The following SLC4A4 variants were observed in gnomAD, a reference collection of about 807,000 sequenced individuals.
The protein encoded by SLC4A4 is solute carrier family 4 member 4, also known as electrogenic sodium bicarbonate cotransporter 1.
Under a neutral mutation model 111.5 loss-of-function variants are expected in SLC4A4, and 27 were observed. That is an observed-to-expected ratio of 0.24 (90% CI 0.18 to 0.33). The LOEUF (loss-of-function observed/expected upper bound fraction) is 0.33, where lower values mean the gene tolerates loss of function less well. SLC4A4 is among the 10% of genes least tolerant of loss of function. The probability of loss-of-function intolerance (pLI) is 1.00; values close to 1 mark genes in which losing one functional copy is unlikely to be tolerated. For synonymous variants in SLC4A4, 443 were observed against 463.4 expected (o/e 0.96, Z 0.57); for missense variants, 909 against 1,315.5 (o/e 0.69, Z 4.78).
chr4:71,094,786 A>G (rs953880863), intron 2 of SLC4A4, among the ~76,000 whole-genome samples: 1 of 146,544 alleles, frequency 6.8e-6, no homozygotes, highest in Non-Finnish European at 1.5e-5. Flanking sequence ...ACGAGTCCTC[A>G]TTTTTCCAGG....
At chr4:71,122,025 A>G (rs1024620738) in intron 2 of SLC4A4, among the ~76,000 whole-genome samples, 2 of 152,098 alleles carry the variant, frequency 1.3e-5, no homozygotes, top group Non-Finnish European at 2.9e-5. Flanking sequence ...TTCACTCCTG[A>G]AGCCAGCGAG....
chr4:71,094,517 G>A (rs1436255106), intron 2 of SLC4A4, among the ~76,000 whole-genome samples: 1 of 152,216 alleles, frequency 6.6e-6, no homozygotes, highest in Non-Finnish European at 1.5e-5. Flanking sequence ...TAAGGCTGCA[G>A]TACTTTTATA....
At chr4:71,420,012 A>C (rs113600548) in intron 7 of SLC4A4, among the ~76,000 whole-genome samples, 30,024 of 152,238 alleles carry the variant, frequency 0.2, 3,301 homozygotes, top group South Asian at 0.42. Flanking sequence ...GAGTTGAGAG[A>C]AGAAGGCTTC....
At chr4:71,564,018 C>A in intron 24 of SLC4A4, 129 bp downstream of exon 24, 1 of 684,042 alleles carries the variant, frequency 1.5e-6, no homozygotes, top group Non-Finnish European at 2.6e-6. Context: ...AGAAGATTTA[C>A]ACTTAATTAT....
chr4:71,500,308 TC>T (rs1351032970), intron 16 of SLC4A4, among the ~76,000 whole-genome samples: 2 of 152,192 alleles, frequency 1.3e-5, no homozygotes, highest in African/African-American at 4.8e-5. Flanking sequence ...ATCCTGTTTG[TC>T]TATGTTTGCT....
chr4:71,566,022 C>A (rs1460196864), intron 24 of SLC4A4, among the ~76,000 whole-genome samples: 4 of 151,842 alleles, frequency 2.6e-5, no homozygotes, highest in Non-Finnish European at 5.9e-5. Context: ...CAGCCCCACA[C>A]TGTTAACACT....
intron 3 of SLC4A4, among the ~76,000 whole-genome samples, chr4:71,311,839 C>A (rs1242420847): frequency 3.4e-5 from 5 of 147,518 alleles, no homozygotes; most frequent in African/African-American, 1.3e-4. Flanking sequence ...AAGATCAGAG[C>A]AGAACTGCCC....
At chr4:71,497,825 T>C (rs1324183665) in intron 16 of SLC4A4, 133 bp downstream of exon 16, 3 of 759,376 alleles carry the variant, frequency 4.0e-6, no homozygotes, top group Non-Finnish European at 6.6e-6. Context: ...ACATTACACT[T>C]CAATCTTTGT....
At chr4:71,143,495 C>T (rs1023574258) in intron 2 of SLC4A4, among the ~76,000 whole-genome samples, 1 of 152,150 alleles carries the variant, frequency 6.6e-6, no homozygotes, top group Non-Finnish European at 1.5e-5. Context: ...AATGGTATTT[C>T]TAATTCTAGA....
At chr4:71,488,371 CA>C (rs1406885968) in intron 15 of SLC4A4, among the ~76,000 whole-genome samples, 3 of 151,260 alleles carry the variant, frequency 2.0e-5, no homozygotes, top group Non-Finnish European at 4.4e-5. Context: ...TGTATTAAAA[CA>C]AAATGTTACA....
intron 2 of SLC4A4, among the ~76,000 whole-genome samples, chr4:71,156,864 C>T (rs1402251333): frequency 6.6e-6 from 1 of 152,100 alleles, no homozygotes; most frequent in East Asian, 1.9e-4. Context: ...CTCTTAACAG[C>T]TTTAATTAAT....
chr4:71,387,150 C>A (rs908094084), intron 6 of SLC4A4, among the ~76,000 whole-genome samples: 18 of 152,204 alleles, frequency 1.2e-4, no homozygotes, highest in Non-Finnish European at 5.9e-5. Context: ...TTGTACTTGG[C>A]AGATTCCAAT....
intron 9 of SLC4A4, among the ~76,000 whole-genome samples, chr4:71,448,340 G>C (rs1725442339): frequency 7.0e-6 from 1 of 142,852 alleles, no homozygotes; most frequent in Non-Finnish European, 1.5e-5. Flanking sequence ...AAAAAAAAAG[G>C]TTCAAGGTCA....
At chr4:71,533,219 C>T (rs1453449) in intron 17 of SLC4A4, among the ~76,000 whole-genome samples, 147,295 of 152,250 alleles carry the variant, frequency 0.97, 71,473 homozygotes, top group Middle Eastern at 1. Context: ...TAAGTTCTCA[C>T]CCATTCAACC....
intron 3 of SLC4A4, among the ~76,000 whole-genome samples, chr4:71,286,214 T>C (rs1382503786): frequency 1.3e-5 from 2 of 152,294 alleles, no homozygotes; most frequent in Admixed American, 1.3e-4. Flanking sequence ...CACTCCATCC[T>C]GGGTGACAGA....
chr4:71,311,778 G>A (rs1033922624), intron 3 of SLC4A4, among the ~76,000 whole-genome samples: 2 of 152,052 alleles, frequency 1.3e-5, no homozygotes, highest in African/African-American at 4.8e-5. Flanking sequence ...AAAAGAACTA[G>A]AGAAGCGAGA....
intron 15 of SLC4A4, among the ~76,000 whole-genome samples, chr4:71,488,145 T>C (rs956067859): frequency 1.3e-5 from 2 of 148,840 alleles, no homozygotes; most frequent in African/African-American, 4.9e-5. Flanking sequence ...TATAATTTAA[T>C]AATATATATT....
chr4:71,549,834 G>A (rs1735835962), intron 20 of SLC4A4, among the ~76,000 whole-genome samples: 1 of 151,850 alleles, frequency 6.6e-6, no homozygotes, highest in African/African-American at 2.4e-5. Context: ...AAATATGGCT[G>A]CAGAGGAGTT....
At position 71,397,190 on chromosome 4, in the gene SLC4A4, A is replaced by G. The variant is rs564269727; in HGVS notation, c.731-387A>G. 2.2e-4 allele frequency among the ~76,000 whole-genome samples: 33 copies of G among 152,310 alleles called. No homozygotes were observed. The East Asian group carries it at 6.4e-3, about 29-fold the overall frequency. Reference sequence around the variant, plus strand: ...TCAGCTCTGCTGAAGATGAGGAAACAGCCGCTCTCTGCAGGCAACAGGAAA... The same window carrying G: ...TCAGCTCTGCTGAAGATGAGGAAACGGCCGCTCTCTGCAGGCAACAGGAAA... On this transcript the variant is annotated intron_variant, in intron 6 of 25. Transcript: ENST00000264485.
Sources: allele counts gnomAD v4.1 joint callset (sites outside exome capture counted in the v4.1 genomes callset), GRCh38; gene constraint gnomAD v4.1.1; transcripts MANE v1.5; gene names NCBI Gene and HGNC (gene_info 2026-07-23, HGNC 2026-07-21).